NDRG4: variants seen among roughly 807,000 people sequenced by gnomAD.
NDRG4 encodes the protein protein NDRG4.
Under a neutral mutation model 55.8 loss-of-function variants are expected in NDRG4, and 38 were observed. That is an observed-to-expected ratio of 0.68 (90% confidence interval 0.53 to 0.89). NDRG4 has a LOEUF of 0.89. NDRG4 is among the 40% of genes least tolerant of loss of function. The pLI, the probability that NDRG4 is intolerant of heterozygous loss-of-function variation, is 0.00. For synonymous variants in NDRG4, 190 were observed against 182.7 expected (o/e 1.04, Z -0.32); for missense variants, 455 against 468.6 (o/e 0.97, Z 0.27).
rs1244274627 is a variant in NDRG4, at chr16:58,464,601, GCTAC to G, written c.-24+807_-24+810del. On this transcript the variant is annotated intron_variant, in intron 1 of 15. Coordinates refer to the NDRG4 transcript ENST00000258187. This position sits in a 1 kb window ranked among gnomAD's most constrained non-coding sequence, Gnocchi z 4.8. ...GACCCCAACTAAGTCCTAGTTTTGT[GCTAC>G]CTGTTTGTGTGCGGAGCCCAGCCCC... The G allele has an allele frequency of 2.0e-6, 2 of 989,440 alleles. No individual in the cohort carries two copies. The highest frequency in any genetic ancestry group is 3.4e-5 in the African/African-American group (2 of 59,026). 61.3% of individuals were successfully genotyped at this position (989,440 alleles called of 1,614,324 possible).
At position 58,506,301 on chromosome 16, in the gene NDRG4, A is replaced by G. The variant is rs1301769814; in HGVS notation, c.373-86A>G. The stretch of plus-strand genomic sequence containing the variant: ...CCCGGCTGTAGCCGGGTGGCTGATC[A>G]GCAGCACCTTGAAGACTTTACAGAG... On this transcript the variant is annotated intron_variant, in intron 5 of 14. Coordinates refer to ENST00000570248, the MANE Select transcript of NDRG4 (RefSeq NM_001242835.2). 6 of 1,345,700 alleles carry G rather than the reference A, an allele frequency of 4.5e-6. No individual in the cohort carries two copies. The African/African-American group carries it at 7.2e-5, about 16-fold the overall frequency. 83.4% of individuals were successfully genotyped at this position (1,345,700 alleles called of 1,614,324 possible).
In NDRG4 at chr16:58,504,022, C is replaced by G. The variant is rs761632742; in HGVS notation, c.127+119C>G. 2.6e-6 allele frequency: 4 copies of G among 1,557,686 alleles called. No homozygotes were observed. The African/African-American group carries it at 5.4e-5, about 21-fold the overall frequency. On this transcript the variant is annotated intron_variant, in intron 2 of 14. Transcript: ENST00000570248. ...CACTCACACTCACCTCTGTTGCCTT[C>G]GCCCTCCGGGCCTCCATTTCCCCGA... is the stretch of plus-strand genomic sequence containing the variant.
At chr16:58,508,704 G>A (rs1366644039) in intron 10 of NDRG4, among the ~76,000 whole-genome samples, 1 of 152,116 alleles carries the variant, frequency 6.6e-6, no homozygotes, top group East Asian at 1.9e-4. Flanking sequence ...CCCAGCCCTC[G>A]CCTGACTCCC....
chr16:58,497,983 A>G (rs1254105395), upstream of NDRG4, among the ~76,000 whole-genome samples: 3 of 152,000 alleles, frequency 2.0e-5, no homozygotes, highest in Admixed American at 6.6e-5. Context: ...GCCCAAGGTC[A>G]CCCGGCTGGT....
Position 58,504,257 on chromosome 16 carries a change from G to A in NDRG4, c.231G>A (p.Ala77=), listed in dbSNP as rs369652890. The A allele has an allele frequency of 6.8e-6, 11 of 1,614,138 alleles. No homozygotes were observed. Among genetic ancestry groups the A allele is most frequent in the Admixed American group, 1.7e-5 (1 of 60,026 alleles). Residue 77 remains alanine (A), a synonymous_variant, in exon 3 of 15, where the codon GCG becomes GCA. Coordinates refer to ENST00000570248, the MANE Select transcript of NDRG4 (RefSeq NM_001242835.2). ...ATGCCCCTGGACAACAGGTGGGGGCGTCGCAGTTTCCTCAGGGGTAGGTAC... is the reference window on the plus strand; with the variant it reads ...ATGCCCCTGGACAACAGGTGGGGGCATCGCAGTTTCCTCAGGGGTAGGTAC... ...HVDAPGQQVG[A]SQFPQGYQFP... is the part of the protein sequence containing the mutation.
Position 58,500,282 on chromosome 16 carries a change from G to A in NDRG4, c.21+13G>A, listed in dbSNP as rs781695627. On this transcript the variant is annotated intron_variant, in intron 1 of 14. Transcript: ENST00000570248. ...GTGCTGGGATGGGGTGAGTGAGGGC[G>A]CTGCGGGCATCAAGGTGGGCCGGGA... 15 of 1,535,694 alleles carry A rather than the reference G, an allele frequency of 9.8e-6. No homozygotes were observed. In the South Asian group the frequency reaches 1.4e-4, roughly 15 times the overall value.
intron 8 of NDRG4, 97 bp downstream of exon 8, chr16:58,507,112 C>T: frequency 1.0e-6 from 1 of 961,104 alleles, no homozygotes; most frequent in Non-Finnish European, 1.6e-6. Context: ...CACCCTTGCC[C>T]TGGTTTGTAG....
chr16:58,487,910 G>A, intron 2 of NDRG4: 1 of 1,308,496 alleles, frequency 7.6e-7, no homozygotes, highest in Non-Finnish European at 1.0e-6. Flanking sequence ...GTGGCCAAGA[G>A]GGAGACCGCG....
At chr16:58,504,085 T>TG (rs2037523624) in intron 2 of NDRG4, 69 bp from the exon 3 acceptor site, 5 of 1,604,432 alleles carry the variant, frequency 3.1e-6, no homozygotes, top group Non-Finnish European at 4.3e-6. Flanking sequence ...GCCTGCCCTC[T>TG]GGGGGCCCGG....
intron 14 of NDRG4, 52 bp downstream of exon 14, chr16:58,510,735 C>CT: frequency 6.7e-7 from 1 of 1,487,818 alleles, no homozygotes; most frequent in Non-Finnish European, 9.1e-7. Context: ...TCCTCCTCCC[C>CT]CGCTCCTTCC....
intron 1 of NDRG4, among the ~76,000 whole-genome samples, chr16:58,478,791 G>GT (rs1039843005): frequency 1.5e-4 from 22 of 148,092 alleles, no homozygotes; most frequent in African/African-American, 3.2e-4. Context: ...ACTGGCAGTG[G>GT]TTTTTTTTTC....
chr16:58,509,098 G>T, intron 11 of NDRG4, 56 bp from the exon 12 acceptor site: 1 of 1,613,932 alleles, frequency 6.2e-7, no homozygotes, highest in Non-Finnish European at 8.5e-7. Context: ...AGCCAGGGTG[G>T]GAGCTTGTCC....
chr16:58,513,865 G>C (rs1011206485), downstream of NDRG4, among the ~76,000 whole-genome samples: 2 of 152,210 alleles, frequency 1.3e-5, no homozygotes, highest in Admixed American at 6.5e-5. Flanking sequence ...GGCTGAGGCA[G>C]GAGAATCGCT....
intron 1 of NDRG4, among the ~76,000 whole-genome samples, chr16:58,475,963 A>C (rs1311831832): frequency 6.6e-6 from 1 of 152,108 alleles, no homozygotes; most frequent in African/African-American, 2.4e-5. Flanking sequence ...CACCTGGGTA[A>C]TTTTTGTATT....
chr16:58,513,948 A>ACTC (rs1874381830), downstream of NDRG4, among the ~76,000 whole-genome samples: 1 of 152,002 alleles, frequency 6.6e-6, no homozygotes, highest in South Asian at 2.1e-4. Context: ...ACAGAGCAAG[A>ACTC]CTCTGCCTCA....
chr16:58,493,920 G>C (rs1432057551), intron 2 of NDRG4, among the ~76,000 whole-genome samples: 1 of 152,176 alleles, frequency 6.6e-6, no homozygotes, highest in Non-Finnish European at 1.5e-5. Flanking sequence ...GAGTCGCACA[G>C]CCAGAGCCAG....
intron 1 of NDRG4, chr16:58,502,123 C>T: frequency 2.4e-6 from 1 of 425,028 alleles, no homozygotes; most frequent in Admixed American, 2.4e-5. Context: ...AGGGCCTGCC[C>T]TCCCTACTCT....
chr16:58,472,045 C>G (rs1438507269), intron 1 of NDRG4: 1 of 152,214 alleles, frequency 6.6e-6, no homozygotes, highest in South Asian at 2.1e-4. Flanking sequence ...ACTTGGTGTT[C>G]TGGAGGATAA....
Position 58,511,994 on chromosome 16 carries a change from T to C in NDRG4, c.*418T>C. The C allele has an allele frequency of 2.2e-6, 1 of 461,338 alleles. No individual in the cohort carries two copies. Among genetic ancestry groups the C allele is most frequent in the Non-Finnish European group, 4.3e-6 (1 of 230,442 alleles). 28.6% of individuals were successfully genotyped at this position (461,338 alleles called of 1,614,324 possible). On this transcript the variant is annotated 3_prime_UTR_variant, in exon 15 of 15. Transcript: ENST00000570248. ...AGCTCAGGCACTGGCGTGGGAGCCC[T>C]GGGAGACCCCTTCCCCCACCCTCCA...
Sources: allele counts gnomAD v4.1 joint callset (sites outside exome capture counted in the v4.1 genomes callset), GRCh38; gene constraint gnomAD v4.1.1; non-coding constraint Gnocchi (gnomAD v3.1); transcripts MANE v1.5; gene names NCBI Gene and HGNC (gene_info 2026-07-23, HGNC 2026-07-21).